The following TCF23 variants were observed in gnomAD, a reference collection of about 807,000 sequenced individuals.
TCF23 encodes the protein transcription factor 23.
Under a neutral mutation model 13.0 loss-of-function variants are expected in TCF23, and 7 were observed. That is an observed-to-expected ratio of 0.54 (90% CI 0.31 to 1.01). The LOEUF is 1.01. Ranked by LOEUF, TCF23 falls within the 50% of genes least tolerant of loss-of-function variation. The pLI is 0.06. For synonymous variants in TCF23, 122 were observed against 119.5 expected (o/e 1.02, Z -0.14); for missense variants, 257 against 289.8 (o/e 0.89, Z 0.82).
At chr2:27,152,541 A>C (rs537010875) in intron 2 of TCF23, 147 bp from the exon 3 acceptor site, 20 of 877,046 alleles carry the variant, frequency 2.3e-5, no homozygotes, top group Non-Finnish European at 3.1e-5. Flanking sequence ...GGGGCTGTAC[A>C]TGATGATGAC....
chr2:27,150,397 G>A lies in TCF23; in HGVS notation c.465+32G>A, dbSNP rs752968885. 1 of 1,603,952 alleles carries A rather than the reference G, an allele frequency of 6.2e-7. No homozygotes were observed. The highest frequency in any genetic ancestry group is 8.5e-7 in the Non-Finnish European group (1 of 1,172,468). On this transcript the variant is annotated intron_variant, in intron 2 of 2. Coordinates refer to ENST00000296096, the MANE Select transcript of TCF23 (RefSeq NM_175769.3). This position sits in a 1 kb window ranked among gnomAD's most constrained non-coding sequence, Gnocchi z 4.1. Reference sequence around the variant, plus strand: ...CACAAGCCCTGGGACTTGAGAGGCGGATCTTAATGCCCAGGGCCTTGGAGA... The same window carrying A: ...CACAAGCCCTGGGACTTGAGAGGCGAATCTTAATGCCCAGGGCCTTGGAGA...
rs1007987057 is a variant in TCF23 at position 27,150,797 on chromosome 2, C to T, written c.465+432C>T. ...AGAGGTCTGTCCTCCAGGAGAACAA[C>T]GGTCTGAGGGACCGTCATTCTAGAA... On this transcript the variant is annotated intron_variant, in intron 2 of 2. Transcript: ENST00000296096. The surrounding 1 kb of genome is among the most constrained non-coding windows in gnomAD (Gnocchi z 4.1). Among the ~76,000 whole-genome samples, 8 of 152,132 alleles carry T rather than the reference C, an allele frequency of 5.3e-5. No homozygotes were observed. Among genetic ancestry groups the T allele is most frequent in the Non-Finnish European group, 1.0e-4 (7 of 68,026 alleles).
Position 27,150,491 on chromosome 2 carries a change from A to C in TCF23, c.465+126A>C, listed in dbSNP as rs1363701010. 8 of 1,476,852 alleles carry C rather than the reference A, an allele frequency of 5.4e-6. No homozygotes were observed. Among genetic ancestry groups the C allele is most frequent in the Non-Finnish European group, 7.3e-6 (8 of 1,093,714 alleles). 91.5% of individuals were successfully genotyped at this position (1,476,852 alleles called of 1,614,324 possible). A position where few individuals can be genotyped will look rare whatever the true frequency, so the allele number is the denominator to read the frequency against. On this transcript the variant is annotated intron_variant, in intron 2 of 2. Transcript: ENST00000296096. This position sits in a 1 kb window ranked among gnomAD's most constrained non-coding sequence, Gnocchi z 4.1. ...CCTGTGCAGAACTGACGTCGGAGCC[A>C]ATTTCTCCTGCTGTCTCAGAGGGAG... is the stretch of plus-strand genomic sequence containing the variant.
Position 27,153,916 on chromosome 2 carries a change from C to T in TCF23, c.*1049C>T, listed in dbSNP as rs565547102. ...GAAGATCAGGTATATAGGGGGTGAT[C>T]ATTACAGTCTTCTCTTTCCATTATG... On this transcript the variant is annotated 3_prime_UTR_variant, in exon 3 of 3. Transcript: ENST00000296096. 2 of 152,322 alleles carry T rather than the reference C, an allele frequency of 1.3e-5. No individual in the cohort carries two copies. The highest frequency in any genetic ancestry group is 2.1e-4 in the South Asian group (1 of 4,826). The allele number at this position is 152,322 out of a possible 1,614,324, so 9.4% of individuals were successfully genotyped here.
At position 27,149,340 on chromosome 2, in the gene TCF23, C is replaced by G; in HGVS notation, c.207C>G (p.Gly69=). ...TPGPRGTRAG[G]LALGRSEASP... is the part of the protein sequence containing the mutation. ...GCCCTCGAGGGACCAGGGCTGGGGG[C>G]CTGGCTCTTGGCAGGGTAAGGAAAT... Residue 69 remains glycine, a synonymous_variant, in exon 1 of 3, where the codon GGC becomes GGG. Coordinates refer to ENST00000296096, the MANE Select transcript of TCF23 (RefSeq NM_175769.3). The G allele has an allele frequency of 6.3e-7, 1 of 1,582,008 alleles. No individual in the cohort carries two copies. The highest frequency in any genetic ancestry group is 8.6e-7 in the Non-Finnish European group (1 of 1,163,948).
chr2:27,151,346 T>C (rs1672757814), intron 2 of TCF23, among the ~76,000 whole-genome samples: 1 of 152,096 alleles, frequency 6.6e-6, no homozygotes, highest in Non-Finnish European at 1.5e-5. Flanking sequence ...TGTACTATTA[T>C]TTTTTTGAGA....
rs777716940 is a variant in TCF23 at position 27,152,775 on chromosome 2, AC to A, written c.554del (p.Thr185LysfsTer86). On this transcript the variant is annotated frameshift_variant, in exon 3 of 3. Transcript: ENST00000296096. LOFTEE classifies it low-confidence loss of function (END_TRUNC). ...STTASTPSQRTRDAEVGSQVP... is the reference protein window; with the variant it reads ...STTASTPSQRXRDAEVGSQVP... ...CACAGCCAGCACCCCCAGCCAAAGAACAAGAGATGCAGAGGTGGGGTCCCAA... is the reference window on the plus strand; with the variant it reads ...CACAGCCAGCACCCCCAGCCAAAGAAAAGAGATGCAGAGGTGGGGTCCCAA... 1.2e-6 allele frequency: 2 copies of A among 1,614,150 alleles called. No homozygotes were observed. Among genetic ancestry groups the A allele is most frequent in the Non-Finnish European group, 8.5e-7 (1 of 1,180,028 alleles).
chr2:27,149,369 G>T lies in TCF23; in HGVS notation c.222+14G>T. The T allele has an allele frequency of 6.4e-7, 1 of 1,563,066 alleles. No homozygotes were observed. Among genetic ancestry groups the T allele is most frequent in the Non-Finnish European group, 8.7e-7 (1 of 1,153,356 alleles). ...GCTCTTGGCAGGGTAAGGAAATCCT[G>T]CACCTGCAGAGGGGTCCAGGGGAGG... is the stretch of plus-strand genomic sequence containing the variant. On this transcript the variant is annotated intron_variant, in intron 1 of 2. Coordinates refer to ENST00000296096, the MANE Select transcript of TCF23 (RefSeq NM_175769.3).
chr2:27,152,446 C>T (rs1480052036), intron 2 of TCF23, among the ~76,000 whole-genome samples: 1 of 152,238 alleles, frequency 6.6e-6, no homozygotes, highest in Non-Finnish European at 1.5e-5. Context: ...CCCAACAGAG[C>T]GCTGCTCTTC....
At chr2:27,152,256 G>A (rs1454371499) in intron 2 of TCF23, among the ~76,000 whole-genome samples, 2 of 152,218 alleles carry the variant, frequency 1.3e-5, no homozygotes, top group South Asian at 2.1e-4. Flanking sequence ...TGAACAGGAG[G>A]GCGACCTCAG....
rs760896868 is a variant in TCF23, at chr2:27,152,701, G to A, written c.479G>A (p.Arg160Gln). ...TGTGTCTTGCAGAAGTGGCCGATGC[G>A]ATCTCGTCTCTATGCTGGAGGCCTG... Reference protein sequence around the residue: ...YLHPLKKWPMRSRLYAGGLGY... With the variant: ...YLHPLKKWPMQSRLYAGGLGY... Residue 160 changes from arginine to glutamine, a missense_variant, in exon 3 of 3, where the codon CGA (arginine) becomes CAA (glutamine). Transcript: ENST00000296096. 1.1e-5 allele frequency: 18 copies of A among 1,613,568 alleles called. No individual in the cohort carries two copies. The highest frequency in any genetic ancestry group is 8.3e-5 in the Admixed American group (5 of 59,944).
chr2:27,149,246 G>C lies in TCF23; in HGVS notation c.113G>C (p.Ser38Thr), dbSNP rs1484272168. 6.3e-7 allele frequency: 1 copy of C among 1,580,568 alleles called. No individual in the cohort carries two copies. The part of the protein sequence containing the change: ...PGADRKRSRL[S>T]RTRQDPWEER... ...GCTGACAGGAAGAGGAGCCGCCTCAGCAGGACAAGGCAGGACCCGTGGGAA... is the reference window on the plus strand; with the variant it reads ...GCTGACAGGAAGAGGAGCCGCCTCACCAGGACAAGGCAGGACCCGTGGGAA... Residue 38 changes from serine to threonine, a missense_variant, in exon 1 of 3, where the codon AGC becomes ACC. Transcript: ENST00000296096.
Position 27,152,911 on chromosome 2 carries a change from T to A in TCF23, c.*44T>A. ...TCTCCTAGACTGTGACTCATGCTTA[T>A]GGGCCTGGATTTTCTACCAGCCCCC... On this transcript the variant is annotated 3_prime_UTR_variant, in exon 3 of 3. Transcript: ENST00000296096. 6.4e-7 allele frequency: 1 copy of A among 1,567,872 alleles called. No homozygotes were observed. Among genetic ancestry groups the A allele is most frequent in the Non-Finnish European group, 8.7e-7 (1 of 1,154,388 alleles).
chr2:27,149,743 G>C, intron 1 of TCF23: 1 of 598,940 alleles, frequency 1.7e-6, no homozygotes, highest in South Asian at 1.5e-5. Flanking sequence ...CTAGGTCAAG[G>C]GTCCGCCCTC....
intron 1 of TCF23, among the ~76,000 whole-genome samples, 162 bp downstream of exon 1, chr2:27,149,517 G>A (rs1672727582): frequency 6.6e-6 from 1 of 152,142 alleles, no homozygotes; most frequent in African/African-American, 2.4e-5. Flanking sequence ...TTGGGTAGTT[G>A]GGATAGATCA....
Position 27,156,363 on chromosome 2 carries a change from G to A in TCF23, c.*3496G>A, listed in dbSNP as rs1200467436. On this transcript the variant is annotated 3_prime_UTR_variant, in exon 3 of 3. Transcript: ENST00000296096. ...AAAATGCGGCTGTGGGAGAAGCAGA[G>A]CTGGCCCAGTGATTTCTTTTTTTTT... The A allele has an allele frequency of 2.7e-5, 4 of 150,890 alleles. No homozygotes were observed. Among genetic ancestry groups the A allele is most frequent in the Non-Finnish European group, 5.9e-5 (4 of 67,870 alleles). The allele number at this position is 150,890 out of a possible 1,614,324, so 9.3% of individuals were successfully genotyped here. A position where few individuals can be genotyped will look rare whatever the true frequency, so the allele number is the denominator to read the frequency against.
rs750996595 is a variant in TCF23 at position 27,152,722 on chromosome 2, G to A, written c.500G>A (p.Gly167Asp). 1.2e-6 allele frequency: 2 copies of A among 1,614,084 alleles called. No homozygotes were observed. The highest frequency in any genetic ancestry group is 3.3e-5 in the Admixed American group (2 of 60,018). The part of the protein sequence containing the change: ...WPMRSRLYAG[G>D]LGYSDLDSTT... ...ATGCGATCTCGTCTCTATGCTGGAG[G>A]CCTGGGGTACTCCGATCTTGACTCC... Residue 167 changes from glycine to aspartate, a missense_variant, in exon 3 of 3, where the codon GGC (glycine) becomes GAC (aspartate). Physicochemically the swap from Gly to Asp is moderately conservative, Grantham distance 94. Transcript: ENST00000296096.
In TCF23 at chr2:27,150,395, CG is replaced by C. The variant is rs1672745592; in HGVS notation, c.465+32del. The C allele has an allele frequency of 6.2e-7, 1 of 1,603,314 alleles. No homozygotes were observed. Among genetic ancestry groups the C allele is most frequent in the African/African-American group, 1.3e-5 (1 of 74,750 alleles). On this transcript the variant is annotated intron_variant, in intron 2 of 2. Coordinates refer to ENST00000296096, the MANE Select transcript of TCF23 (RefSeq NM_175769.3). This position sits in a 1 kb window ranked among gnomAD's most constrained non-coding sequence, Gnocchi z 4.1. Reference sequence around the variant, plus strand: ...GTCACAAGCCCTGGGACTTGAGAGGCGGATCTTAATGCCCAGGGCCTTGGAG... The same window carrying C: ...GTCACAAGCCCTGGGACTTGAGAGGCGATCTTAATGCCCAGGGCCTTGGAG...
In TCF23 at chr2:27,150,236, C is replaced by T. The variant is rs759209676; in HGVS notation, c.336C>T (p.Leu112=). The T allele has an allele frequency of 6.2e-7, 1 of 1,613,598 alleles. No homozygotes were observed. Among genetic ancestry groups the T allele is most frequent in the East Asian group, 2.2e-5 (1 of 44,880 alleles). The change falls in exon 2 of 3, where the codon CTC becomes CTT. Residue 112 remains leucine, a synonymous_variant. Coordinates refer to ENST00000296096, the MANE Select transcript of TCF23 (RefSeq NM_175769.3). This position sits in a 1 kb window ranked among gnomAD's most constrained non-coding sequence, Gnocchi z 4.1. Reference sequence around the variant, plus strand: ...CTGCCGTGCCGCCCGACACCAAGCTCTCCAAGTTGGACGTGCTGGTGCTCG... The same window carrying T: ...CTGCCGTGCCGCCCGACACCAAGCTTTCCAAGTTGGACGTGCTGGTGCTCG... ...ALPAVPPDTK[L]SKLDVLVLAA... is the part of the protein sequence containing the mutation.
Sources: allele counts gnomAD v4.1 joint callset (sites outside exome capture counted in the v4.1 genomes callset), GRCh38; gene constraint gnomAD v4.1.1; non-coding constraint Gnocchi (gnomAD v3.1); transcripts MANE v1.5; gene names NCBI Gene and HGNC (gene_info 2026-07-23, HGNC 2026-07-21).